Variants in C16orf92 observed in about 807,000 individuals in gnomAD.
The protein encoded by C16orf92 is fertilization-influencing membrane protein 1.
In C16orf92, 14 loss-of-function variants were observed where a neutral mutation model predicts 13.7. The observed-to-expected ratio is 1.02, with a 90% CI of 0.67 to 1.60. C16orf92 has a LOEUF of 1.60. Ranked by LOEUF, C16orf92 falls within the 40% of genes most tolerant of loss-of-function variation. The probability of loss-of-function intolerance (pLI) is 0.00; values close to 1 mark genes in which losing one functional copy is unlikely to be tolerated. For synonymous variants in C16orf92, 50 were observed against 57.4 expected (o/e 0.87, Z 0.58); for missense variants, 116 against 139.0 (o/e 0.83, Z 0.83).
downstream of C16orf92, chr16:30,025,473 G>A: frequency 3.7e-6 from 6 of 1,611,468 alleles, no homozygotes; most frequent in South Asian, 6.6e-5. This position sits in a 1 kb window ranked among gnomAD's most constrained non-coding sequence, Gnocchi z 4.1. Flanking sequence ...TTGTACTGAG[G>A]AGACACAGAC....
downstream of C16orf92, among the ~76,000 whole-genome samples, chr16:30,026,170 G>A (rs2071124964): frequency 6.6e-6 from 1 of 150,698 alleles, no homozygotes; most frequent in South Asian, 2.1e-4. Context: ...AGGAGGCGGA[G>A]GTTTCAGTGA....
intron 1 of C16orf92, 48 bp from the exon 2 acceptor site, chr16:30,023,679 A>AG: frequency 1.2e-6 from 2 of 1,614,012 alleles, no homozygotes; most frequent in Non-Finnish European, 1.7e-6. Context: ...CGAGAGATAA[A>AG]GGCAGGGGTC....
Position 30,024,051 on chromosome 16 carries a change from GTTC to G in C16orf92, c.282_284del (p.Phe95del), listed in dbSNP as rs1567291933. On this transcript the variant is annotated inframe_deletion, in exon 3 of 4. Transcript: ENST00000681219. ...TCCTGGTGGGCTTGCTGGTGGTGGC[GTTC>G]TTCTTTCTCCTTTTCCAGTTCTGCA... The G allele has an allele frequency of 1.2e-6, 2 of 1,613,974 alleles. No homozygotes were observed. Among genetic ancestry groups the G allele is most frequent in the Non-Finnish European group, 8.5e-7 (1 of 1,179,920 alleles).
chr16:30,027,245 G>A, downstream of C16orf92: 1 of 446,840 alleles, frequency 2.2e-6, no homozygotes, highest in Non-Finnish European at 4.5e-6. Context: ...GAAGGGGCGA[G>A]AGTGCTGGAG....
chr16:30,023,266 TC>T lies in C16orf92; in HGVS notation c.-71del, dbSNP rs762746695. ...AGGGGTCCCAGCTCCTAGCACTTTC[TC>T]CCCTCACCCCAAAGTGCCATCAGAA... is the stretch of plus-strand genomic sequence containing the variant. On this transcript the variant is annotated 5_prime_UTR_variant, in exon 1 of 4. An upstream open reading frame in the 5' UTR gains an earlier in-frame stop. Coordinates refer to ENST00000681219, the MANE Select transcript of C16orf92 (RefSeq NM_001109659.2). The T allele has an allele frequency of 5.9e-6, 8 of 1,354,718 alleles. No homozygotes were observed. The highest frequency in any genetic ancestry group is 8.2e-6 in the Non-Finnish European group (8 of 970,132). 83.9% of individuals were successfully genotyped at this position (1,354,718 alleles called of 1,614,324 possible).
chr16:30,025,517 C>A, downstream of C16orf92: 1 of 1,602,820 alleles, frequency 6.2e-7, no homozygotes. This position sits in a 1 kb window ranked among gnomAD's most constrained non-coding sequence, Gnocchi z 4.1. Context: ...GCTCGGCCCC[C>A]CTTGGCCCTC....
downstream of C16orf92, chr16:30,026,646 T>G: frequency 6.2e-7 from 1 of 1,612,778 alleles, no homozygotes; most frequent in Non-Finnish European, 8.5e-7. Flanking sequence ...CATGGCGGCA[T>G]GGTGGAGCAC....
chr16:30,027,296 G>A (rs1229146821), downstream of C16orf92: 3 of 402,468 alleles, frequency 7.5e-6, no homozygotes, highest in Non-Finnish European at 1.5e-5. Context: ...TGCCTCCTGG[G>A]ACAGGCGATC....
downstream of C16orf92, chr16:30,025,811 T>C (rs779783933): frequency 1.9e-6 from 3 of 1,613,732 alleles, no homozygotes; most frequent in South Asian, 3.3e-5. This position sits in a 1 kb window ranked among gnomAD's most constrained non-coding sequence, Gnocchi z 4.1. Flanking sequence ...TCCCTTACCC[T>C]GTCGCCACAC....
chr16:30,026,934 G>A, downstream of C16orf92: 2 of 1,088,988 alleles, frequency 1.8e-6, no homozygotes, highest in Admixed American at 2.0e-5. Flanking sequence ...CAGCAGCCCT[G>A]GACAGGAGCG....
chr16:30,025,841 G>A (rs760925289), downstream of C16orf92: 9 of 1,601,826 alleles, frequency 5.6e-6, no homozygotes, highest in African/African-American at 8.0e-5. The surrounding 1 kb of genome is among the most constrained non-coding windows in gnomAD (Gnocchi z 4.1). Context: ...GAGGCAGGAA[G>A]GTGAGGAGCT....
downstream of C16orf92, chr16:30,025,375 C>G (rs1023685946): frequency 1.9e-6 from 3 of 1,607,844 alleles, no homozygotes; most frequent in African/African-American, 2.7e-5. The surrounding 1 kb of genome is among the most constrained non-coding windows in gnomAD (Gnocchi z 4.1). Flanking sequence ...AGGCCCAGTA[C>G]AGGTAGGGAA....
downstream of C16orf92, chr16:30,025,205 G>C (rs878975550): frequency 4.7e-6 from 7 of 1,487,758 alleles, no homozygotes; most frequent in African/African-American, 4.3e-5. This position sits in a 1 kb window ranked among gnomAD's most constrained non-coding sequence, Gnocchi z 4.1. Flanking sequence ...CTGGCAGGCC[G>C]GGGGCGGCCG....
downstream of C16orf92, chr16:30,025,495 G>T: frequency 6.2e-7 from 1 of 1,608,714 alleles, no homozygotes; most frequent in Non-Finnish European, 8.5e-7. The surrounding 1 kb of genome is among the most constrained non-coding windows in gnomAD (Gnocchi z 4.1). Flanking sequence ...CAGTGGCCAC[G>T]GCAGCAGAAG....
At chr16:30,025,797 AGTCTCCCTTACCCT>A, downstream of C16orf92, 1 of 1,614,062 alleles carries the variant, frequency 6.2e-7, no homozygotes, top group Non-Finnish European at 8.5e-7. The surrounding 1 kb of genome is among the most constrained non-coding windows in gnomAD (Gnocchi z 4.1). Context: ...CCCAGAAAGA[AGTCTCCCTTACCCT>A]GTCGCCACAC....
At position 30,023,279 on chromosome 16, in the gene C16orf92, A is replaced by C; in HGVS notation, c.-62A>C. 6.8e-7 allele frequency: 1 copy of C among 1,476,194 alleles called. No homozygotes were observed. Among genetic ancestry groups the C allele is most frequent in the Non-Finnish European group, 9.3e-7 (1 of 1,077,484 alleles). The allele number at this position is 1,476,194 out of a possible 1,614,324, so 91.4% of individuals were successfully genotyped here. On this transcript the variant is annotated 5_prime_UTR_variant, in exon 1 of 4. Coordinates refer to ENST00000681219, the MANE Select transcript of C16orf92 (RefSeq NM_001109659.2). ...CCTAGCACTTTCTCCCCTCACCCCAAAGTGCCATCAGAACAGCTCTGGGCT... is the reference window on the plus strand; with the variant it reads ...CCTAGCACTTTCTCCCCTCACCCCACAGTGCCATCAGAACAGCTCTGGGCT...
chr16:30,025,360 C>A, downstream of C16orf92: 7 of 1,599,552 alleles, frequency 4.4e-6, no homozygotes, highest in Non-Finnish European at 5.1e-6. The surrounding 1 kb of genome is among the most constrained non-coding windows in gnomAD (Gnocchi z 4.1). Context: ...CGGCATGGCG[C>A]CCGTAGGCCC....
chr16:30,025,713 C>T, downstream of C16orf92: 2 of 1,613,750 alleles, frequency 1.2e-6, no homozygotes, highest in Middle Eastern at 3.3e-4. This position sits in a 1 kb window ranked among gnomAD's most constrained non-coding sequence, Gnocchi z 4.1. Context: ...TGCACCCTCC[C>T]ATGCTCACTC....
chr16:30,025,251 A>G, downstream of C16orf92: 1 of 1,534,086 alleles, frequency 6.5e-7, no homozygotes, highest in Non-Finnish European at 8.8e-7. This position sits in a 1 kb window ranked among gnomAD's most constrained non-coding sequence, Gnocchi z 4.1. Flanking sequence ...GCCCCACGGC[A>G]GATGAGGAAG....
Sources: gnomAD v4.1 joint callset for allele counts (sites outside exome capture counted in the v4.1 genomes callset) on GRCh38, gnomAD v4.1.1 for gene constraint, Gnocchi (gnomAD v3.1) non-coding constraint, MANE v1.5 for transcripts, NCBI Gene and HGNC (gene_info 2026-07-23, HGNC 2026-07-21) for gene names.